The following DOCK10 variants were observed in gnomAD, a reference collection of about 807,000 sequenced individuals.
DOCK10 encodes the protein dedicator of cytokinesis 10.
In DOCK10, 145 loss-of-function variants were observed where a neutral mutation model predicts 280.1. The ratio of observed to expected loss-of-function variants is 0.52; its 90% CI spans 0.45 to 0.59. DOCK10 has a LOEUF of 0.59. Among genes scored for constraint, DOCK10 ranks in the 20% least tolerant of loss-of-function variants. The pLI is 0.00. For missense variants in DOCK10, 2,368 were observed against 2,651.7 expected, an observed-to-expected ratio of 0.89 and a Z score of 2.35; for synonymous variants, 915 against 942.2, an observed-to-expected ratio of 0.97 and a Z score of 0.53.
At chr2:224,773,053 A>G in intron 53 of DOCK10, 104 bp downstream of exon 53, 1 of 1,095,888 alleles carries the variant, frequency 9.1e-7, no homozygotes. Context: ...ATTCTCACAA[A>G]AGGGAAAATG....
chr2:224,770,143 C>T lies in DOCK10; in HGVS notation c.6444+68G>A. ...GCAAGAAAAGGGCCTCTTTCCTGTC[C>T]TTCTGGCATTGGGAGCGAAAGGGAC... On this transcript the variant is annotated intron_variant, in intron 55 of 55. Coordinates refer to ENST00000258390, the MANE Select transcript of DOCK10 (RefSeq NM_014689.3). The surrounding 1 kb of genome is among the most constrained non-coding windows in gnomAD (Gnocchi z 4.5). 1 of 1,419,980 alleles carries T rather than the reference C, an allele frequency of 7.0e-7. No homozygotes were observed. The highest frequency in any genetic ancestry group is 2.5e-5 in the East Asian group (1 of 39,336). The allele number at this position is 1,419,980 out of a possible 1,614,324, so 88.0% of individuals were successfully genotyped here.
chr2:224,885,806 C>T lies in DOCK10; in HGVS notation c.613-1G>A. 1 of 1,611,408 alleles carries T rather than the reference C, an allele frequency of 6.2e-7. No individual in the cohort carries two copies. The highest frequency in any genetic ancestry group is 1.7e-5 in the Admixed American group (1 of 59,600). ...GCTGGAAGTAGCGCTTTTTGAATGA[C>T]TAAATAAAGGAAAAGATATAAGGAG... On this transcript the variant is annotated splice_acceptor_variant, in intron 6 of 55. Coordinates refer to ENST00000258390, the MANE Select transcript of DOCK10 (RefSeq NM_014689.3). LOFTEE classifies it high-confidence loss of function.
intron 53 of DOCK10, among the ~76,000 whole-genome samples, chr2:224,772,810 T>A (rs1260271817): frequency 6.6e-6 from 1 of 152,238 alleles, no homozygotes; most frequent in East Asian, 1.9e-4. Flanking sequence ...AACAATTTTT[T>A]AAGGCTCTTA....
chr2:224,798,561 T>A (rs1692748940), intron 41 of DOCK10, among the ~76,000 whole-genome samples: 2 of 152,052 alleles, frequency 1.3e-5, no homozygotes, highest in Non-Finnish European at 2.9e-5. Flanking sequence ...TCATCTGAAA[T>A]AGGGCTTTCT....
chr2:224,923,548 T>C (rs1397799037), intron 2 of DOCK10, among the ~76,000 whole-genome samples: 1 of 152,164 alleles, frequency 6.6e-6, no homozygotes, highest in Non-Finnish European at 1.5e-5. Context: ...GAGTTTACCA[T>C]CCAAGAAAGC....
At chr2:224,862,017 T>G (rs1697534322) in intron 14 of DOCK10, 1 of 152,270 alleles carries the variant, frequency 6.6e-6, no homozygotes, top group African/African-American at 2.4e-5. Flanking sequence ...GTAAAGAGAT[T>G]GATGAGGACA....
In DOCK10 at chr2:224,974,819, AAT is replaced by A. The variant is rs148414737; in HGVS notation, c.124-43153_124-43152del. On this transcript the variant is annotated intron_variant, in intron 1 of 55. Transcript: ENST00000258390. ...TATATATCATATATATTATATATAT[AAT>A]ATATATATATTATATATAACATATA... 9.2e-3 allele frequency among the ~76,000 whole-genome samples: 1,217 copies of A among 132,340 alleles called. 56 individuals carry two copies. The highest frequency in any genetic ancestry group is 0.03 in the South Asian group (117 of 3,900). 86.8% of individuals were successfully genotyped at this position (132,340 alleles called of 152,430 possible). A position where few individuals can be genotyped will look rare whatever the true frequency, so the allele number is the denominator to read the frequency against.
At chr2:224,896,176 G>T in intron 4 of DOCK10, 119 bp downstream of exon 4, 1 of 544,722 alleles carries the variant, frequency 1.8e-6, no homozygotes, top group Non-Finnish European at 3.1e-6. Context: ...TATACATTTT[G>T]GAAAATGTGC....
chr2:224,921,041 G>T (rs1178467877), intron 2 of DOCK10, among the ~76,000 whole-genome samples: 3 of 138,622 alleles, frequency 2.2e-5, no homozygotes, highest in Non-Finnish European at 4.6e-5. Context: ...GACCAATTGA[G>T]GTCAAGAGTT....
At chr2:224,943,761 CTTTTTTTTTTTT>C (rs67538456) in intron 1 of DOCK10, among the ~76,000 whole-genome samples, 1 of 107,414 alleles carries the variant, frequency 9.3e-6, no homozygotes, top group Non-Finnish European at 1.9e-5. Flanking sequence ...TTTTTCTTTT[CTTTTTTTTTTTT>C]TTTTTTTTGA....
chr2:224,837,678 A>G (rs1695676326), intron 25 of DOCK10, 84 bp downstream of exon 25: 2 of 1,196,648 alleles, frequency 1.7e-6, no homozygotes, highest in South Asian at 1.2e-5. Context: ...AAAGGGAGAA[A>G]ACTTCCCACT....
At chr2:224,819,704 A>G (rs1694379239) in intron 28 of DOCK10, among the ~76,000 whole-genome samples, 175 bp from the exon 29 acceptor site, 1 of 152,236 alleles carries the variant, frequency 6.6e-6, no homozygotes, top group Non-Finnish European at 1.5e-5. Flanking sequence ...TATGGCAACT[A>G]AAATAACTAC....
chr2:224,768,196 A>G (rs936905315), intron 55 of DOCK10, among the ~76,000 whole-genome samples: 2 of 152,278 alleles, frequency 1.3e-5, no homozygotes, highest in East Asian at 3.9e-4. Context: ...GGATTACAGC[A>G]TGAGCCACCG....
chr2:224,838,864 A>G (rs1695759596), intron 24 of DOCK10, among the ~76,000 whole-genome samples: 1 of 152,238 alleles, frequency 6.6e-6, no homozygotes, highest in African/African-American at 2.4e-5. Context: ...GGAAGAATTC[A>G]GTATAGCCAA....
chr2:225,000,622 G>A (rs1706406179), intron 1 of DOCK10, among the ~76,000 whole-genome samples: 1 of 152,146 alleles, frequency 6.6e-6, no homozygotes, highest in African/African-American at 2.4e-5. Flanking sequence ...GTGACTCTAC[G>A]AGCCAGCCAT....
intron 1 of DOCK10, among the ~76,000 whole-genome samples, chr2:224,934,983 ATTC>A (rs543362059): frequency 5.7e-4 from 87 of 152,310 alleles, no homozygotes; most frequent in African/African-American, 1.9e-3. Context: ...GAGAGGCCCT[ATTC>A]TTCTTACAGA....
chr2:224,808,383 T>C (rs1201747976), intron 31 of DOCK10, among the ~76,000 whole-genome samples: 5 of 152,126 alleles, frequency 3.3e-5, no homozygotes, highest in African/African-American at 9.7e-5. Flanking sequence ...AAAACACATT[T>C]TCTGCTTGGA....
chr2:224,961,410 T>TTC (rs142894725), intron 1 of DOCK10, among the ~76,000 whole-genome samples: 40 of 68,650 alleles, frequency 5.8e-4, no homozygotes, highest in Non-Finnish European at 2.8e-4. Context: ...CTTTCTTTCT[T>TTC]TCTCTTTCTT....
chr2:224,784,629 C>G (rs1158225046), intron 50 of DOCK10: 2 of 1,028,240 alleles, frequency 1.9e-6, no homozygotes, highest in African/African-American at 3.3e-5. Flanking sequence ...CCCTTTGTAC[C>G]AAATGGTGAT....
Sources: allele counts gnomAD v4.1 joint callset (sites outside exome capture counted in the v4.1 genomes callset), GRCh38; gene constraint gnomAD v4.1.1; non-coding constraint Gnocchi (gnomAD v3.1); transcripts MANE v1.5; gene names NCBI Gene and HGNC (gene_info 2026-07-23, HGNC 2026-07-21).